The following MYO3B variants were observed in gnomAD, a reference collection of about 807,000 sequenced individuals.
MYO3B encodes the protein myosin IIIB, also known as myosin-IIIb.
MYO3B carries 156 observed loss-of-function variants against 174.6 expected under a neutral mutation model. That is an observed-to-expected ratio of 0.89 (90% CI 0.78 to 1.02). The LOEUF is 1.02. MYO3B is among the 50% of genes least tolerant of loss of function. The probability of loss-of-function intolerance (pLI) is 0.00; values close to 1 mark genes in which losing one functional copy is unlikely to be tolerated. For synonymous variants in MYO3B, 563 were observed against 569.1 expected (o/e 0.99, Z 0.15); for missense variants, 1,632 against 1,639.4 (o/e 1.00, Z 0.08).
chr2:170,439,363 C>G (rs878883142), intron 22 of MYO3B, among the ~76,000 whole-genome samples: 1 of 151,410 alleles, frequency 6.6e-6, no homozygotes, highest in African/African-American at 2.4e-5. Flanking sequence ...CAAAGAAAGA[C>G]TCCATCTCAA....
chr2:170,195,516 G>T lies in MYO3B; in HGVS notation c.3-3692G>T, dbSNP rs1383056464. On this transcript the variant is annotated intron_variant, in intron 1 of 34. Coordinates refer to ENST00000408978, the MANE Select transcript of MYO3B (RefSeq NM_138995.5). ...CACTGAGAGCCACCTCCACCACTCA[G>T]TAAAATCCCCGCATTCACCATCCTC... 2.0e-5 allele frequency among the ~76,000 whole-genome samples: 3 copies of T among 152,056 alleles called. 1 individual carries two copies. The highest frequency in any genetic ancestry group is 4.8e-5 in the African/African-American group (2 of 41,414).
At chr2:170,373,322 G>C (rs1042430084) in intron 9 of MYO3B, among the ~76,000 whole-genome samples, 7 of 152,304 alleles carry the variant, frequency 4.6e-5, no homozygotes, top group Admixed American at 2.6e-4. Flanking sequence ...GCAATGCCAA[G>C]TACTTCCAGA....
chr2:170,572,567 A>G (rs925261693), intron 32 of MYO3B, among the ~76,000 whole-genome samples: 2 of 148,930 alleles, frequency 1.3e-5, no homozygotes, highest in African/African-American at 4.9e-5. Context: ...GTGAGCCATG[A>G]TTGCACCACT....
At chr2:170,357,157 A>C (rs1215622283) in intron 8 of MYO3B, among the ~76,000 whole-genome samples, 1 of 151,792 alleles carries the variant, frequency 6.6e-6, no homozygotes, top group East Asian at 1.9e-4. Flanking sequence ...AAATACAAAA[A>C]TTAGCTGGGC....
chr2:170,456,050 A>G (rs1342264769), intron 23 of MYO3B, among the ~76,000 whole-genome samples: 1 of 152,206 alleles, frequency 6.6e-6, no homozygotes, highest in East Asian at 1.9e-4. Flanking sequence ...ATACAGATGT[A>G]TTAACGGGAA....
rs140956145 is a variant in MYO3B, at chr2:170,459,495, T to C, written c.2731-3873T>C. 7.6e-4 allele frequency among the ~76,000 whole-genome samples: 115 copies of C among 152,234 alleles called. 1 individual carries two copies. In the East Asian group the frequency reaches 0.022, roughly 29 times the overall value. The stretch of plus-strand genomic sequence containing the variant: ...CCTTTAGCTAGACACAAGGTGCTGA[T>C]TGGTGCATTTACAAACCTTTAACTA... On this transcript the variant is annotated intron_variant, in intron 23 of 34. Coordinates refer to ENST00000408978, the MANE Select transcript of MYO3B (RefSeq NM_138995.5).
chr2:170,646,007 C>T (rs1698340863), intron 32 of MYO3B, among the ~76,000 whole-genome samples: 1 of 152,138 alleles, frequency 6.6e-6, no homozygotes, highest in African/African-American at 2.4e-5. Flanking sequence ...CACGGTGGCT[C>T]ATGCCTGTAA....
intron 7 of MYO3B, among the ~76,000 whole-genome samples, chr2:170,282,588 G>A (rs1458978779): frequency 6.6e-6 from 1 of 151,934 alleles, no homozygotes; most frequent in Non-Finnish European, 1.5e-5. Flanking sequence ...GGCTTTTCAG[G>A]CTCTTTTTTG....
intron 16 of MYO3B, 114 bp downstream of exon 16, chr2:170,392,609 C>T (rs2105770536): frequency 1.6e-6 from 1 of 626,802 alleles, no homozygotes; most frequent in South Asian, 3.5e-5. Flanking sequence ...CCATGTTGGT[C>T]ATGTTATAAG....
At chr2:170,308,131 A>T (rs2093713154) in intron 7 of MYO3B, among the ~76,000 whole-genome samples, 1 of 152,168 alleles carries the variant, frequency 6.6e-6, no homozygotes, top group African/African-American at 2.4e-5. Flanking sequence ...GAATGTACTG[A>T]TCTATTTCCA....
intron 6 of MYO3B, among the ~76,000 whole-genome samples, chr2:170,226,663 T>A (rs570697754): frequency 2.0e-4 from 30 of 152,250 alleles, no homozygotes; most frequent in African/African-American, 6.7e-4. Flanking sequence ...GTTATTACCC[T>A]CTTCCTGGTG....
At chr2:170,584,416 C>T (rs562510242) in intron 32 of MYO3B, among the ~76,000 whole-genome samples, 1 of 152,100 alleles carries the variant, frequency 6.6e-6, no homozygotes, top group Non-Finnish European at 1.5e-5. Context: ...ATTTAATGAT[C>T]TCTCACATGA....
chr2:170,402,256 A>G (rs537583825), intron 18 of MYO3B, among the ~76,000 whole-genome samples: 1 of 152,380 alleles, frequency 6.6e-6, no homozygotes, highest in South Asian at 2.1e-4. Context: ...AACACCAAGC[A>G]TAAATGGGTT....
intron 32 of MYO3B, among the ~76,000 whole-genome samples, chr2:170,636,582 A>T (rs552418565): frequency 1.3e-5 from 2 of 151,886 alleles, no homozygotes; most frequent in African/African-American, 4.8e-5. Flanking sequence ...TCCCCATCTC[A>T]TGCAGGATGA....
chr2:170,591,030 C>A, intron 32 of MYO3B, among the ~76,000 whole-genome samples: 1 of 152,302 alleles, frequency 6.6e-6, no homozygotes, highest in Admixed American at 6.5e-5. Flanking sequence ...AACAGATTTG[C>A]TCTCAACGTT....
At chr2:170,221,347 T>C (rs1364041232) in intron 6 of MYO3B, among the ~76,000 whole-genome samples, 1 of 152,178 alleles carries the variant, frequency 6.6e-6, no homozygotes, top group Non-Finnish European at 1.5e-5. Flanking sequence ...AATTGTTTTT[T>C]CCCTTTTTTA....
At chr2:170,490,648 C>A (rs1686410660) in intron 25 of MYO3B, among the ~76,000 whole-genome samples, 1 of 152,074 alleles carries the variant, frequency 6.6e-6, no homozygotes, top group African/African-American at 2.4e-5. Flanking sequence ...AGCTTTTCAC[C>A]ATTAAATATG....
intron 6 of MYO3B, among the ~76,000 whole-genome samples, chr2:170,233,242 G>A (rs951007272): frequency 2.0e-5 from 3 of 152,248 alleles, no homozygotes; most frequent in African/African-American, 7.2e-5. Context: ...ATTGTCTTAG[G>A]GCATTTATAG....
At chr2:170,547,840 G>A (rs952853342) in intron 32 of MYO3B, among the ~76,000 whole-genome samples, 1 of 152,168 alleles carries the variant, frequency 6.6e-6, no homozygotes, top group Non-Finnish European at 1.5e-5. Context: ...TTAGAAGGGT[G>A]AAGAGTTACG....
Sources: gnomAD v4.1 joint callset for allele counts (sites outside exome capture counted in the v4.1 genomes callset) on GRCh38, gnomAD v4.1.1 for gene constraint, MANE v1.5 for transcripts, NCBI Gene and HGNC (gene_info 2026-07-23, HGNC 2026-07-21) for gene names.